BPIFB1: variants seen among roughly 807,000 people sequenced by gnomAD.
BPIFB1 encodes BPI fold-containing family B member 1.
A neutral mutation model predicts 55.1 loss-of-function variants in BPIFB1; 34 were observed. The ratio of observed to expected loss-of-function variants is 0.62; its 90% CI spans 0.47 to 0.82. The LOEUF (loss-of-function observed/expected upper bound fraction) is 0.82, where lower values mean the gene tolerates loss of function less well. BPIFB1 is among the 40% of genes least tolerant of loss of function. The probability of loss-of-function intolerance (pLI) is 0.00; values close to 1 mark genes in which losing one functional copy is unlikely to be tolerated. For missense variants in BPIFB1, 532 were observed against 593.1 expected (o/e 0.90, Z 1.07); for synonymous variants, 236 against 245.3 (o/e 0.96, Z 0.35).
chr20:33,305,947 G>T (rs1242879728), intron 13 of BPIFB1, 55 bp from the exon 14 acceptor site: 1 of 1,587,760 alleles, frequency 6.3e-7, no homozygotes, highest in African/African-American at 1.3e-5. Context: ...AAGAATGATG[G>T]GGGGGAACTT....
At chr20:33,300,593 T>C (rs938099429) in intron 8 of BPIFB1, among the ~76,000 whole-genome samples, 1 of 152,100 alleles carries the variant, frequency 6.6e-6, no homozygotes, top group African/African-American at 2.4e-5. Context: ...GTTTCTTTTG[T>C]TTTGTTTTTT....
chr20:33,289,782 C>T (rs1163949468), intron 3 of BPIFB1, 103 bp from the exon 4 acceptor site: 4 of 1,084,172 alleles, frequency 3.7e-6, no homozygotes, highest in Non-Finnish European at 5.6e-6. Context: ...CAGGGTCCCG[C>T]TGCTGCCTAG....
intron 4 of BPIFB1, 50 bp downstream of exon 4, chr20:33,290,042 C>A: frequency 7.1e-7 from 1 of 1,403,348 alleles, no homozygotes; most frequent in Non-Finnish European, 1.0e-6. Flanking sequence ...CTCATCTGCT[C>A]GTTCCCCCTC....
In BPIFB1 at chr20:33,306,054, C is replaced by A; in HGVS notation, c.1307C>A (p.Pro436Gln). ...GAGATCATCCACTCCATCCTGCTGC[C>A]GAACCAGAATGGTGCATACCTCTGC... ...ITEIIHSILL[P>Q]NQNGKLRSGV... Residue 436 changes from proline (P) to glutamine (Q), a missense_variant, in exon 14 of 16, where the codon CCG becomes CAG. Coordinates refer to ENST00000253354, the MANE Select transcript of BPIFB1 (RefSeq NM_033197.3). 2.5e-6 allele frequency: 4 copies of A among 1,614,120 alleles called. No homozygotes were observed. Among genetic ancestry groups the A allele is most frequent in the Non-Finnish European group, 2.5e-6 (3 of 1,180,006 alleles).
intron 6 of BPIFB1, among the ~76,000 whole-genome samples, chr20:33,292,387 C>T (rs898397092): frequency 2.0e-5 from 3 of 152,046 alleles, no homozygotes; most frequent in South Asian, 2.1e-4. Context: ...CAATAGCACA[C>T]GATTGTATAT....
At chr20:33,290,224 T>G (rs1250724524) in intron 4 of BPIFB1, among the ~76,000 whole-genome samples, 1 of 151,984 alleles carries the variant, frequency 6.6e-6, no homozygotes, top group African/African-American at 2.4e-5. Flanking sequence ...CGAGGCCAGA[T>G]CATACAAGGC....
intron 6 of BPIFB1, among the ~76,000 whole-genome samples, chr20:33,292,465 T>C (rs1024982836): frequency 1.3e-5 from 2 of 152,212 alleles, no homozygotes; most frequent in Non-Finnish European, 2.9e-5. Flanking sequence ...AGCAAACTAA[T>C]TAGGAAGCAA....
At chr20:33,308,183 G>A (rs940792813) in intron 15 of BPIFB1, among the ~76,000 whole-genome samples, 6 of 152,090 alleles carry the variant, frequency 3.9e-5, no homozygotes, top group East Asian at 3.9e-4. Context: ...TCACCATCAC[G>A]AGAACAGCAC....
At chr20:33,305,006 G>C (rs1158340990) in intron 13 of BPIFB1, 115 bp downstream of exon 13, 1 of 1,219,706 alleles carries the variant, frequency 8.2e-7, no homozygotes, top group Non-Finnish European at 1.2e-6. Context: ...AAGCACCATG[G>C]GGGGCTGGCC....
chr20:33,288,660 C>G, intron 2 of BPIFB1, 81 bp from the exon 3 acceptor site: 2 of 1,536,166 alleles, frequency 1.3e-6, no homozygotes, highest in Non-Finnish European at 1.8e-6. Flanking sequence ...TCGAGTGATA[C>G]CCCTCCCCAG....
chr20:33,286,048 C>CT lies in BPIFB1; in HGVS notation c.-24dup. The stretch of plus-strand genomic sequence containing the variant: ...CTCACCCCAGGTCTGGCATCCTGCA[C>CT]TTGCTGCCCTCTGACACCTGGGAAG... On this transcript the variant is annotated 5_prime_UTR_variant, in exon 2 of 16. Transcript: ENST00000253354. 6.2e-7 allele frequency: 1 copy of CT among 1,610,534 alleles called. No individual in the cohort carries two copies. Among genetic ancestry groups the CT allele is most frequent in the Non-Finnish European group, 8.5e-7 (1 of 1,176,882 alleles).
Position 33,286,038 on chromosome 20 carries a change from G to A in BPIFB1, c.-36G>A, listed in dbSNP as rs372545262. On this transcript the variant is annotated 5_prime_UTR_variant, in exon 2 of 16. Coordinates refer to ENST00000253354, the MANE Select transcript of BPIFB1 (RefSeq NM_033197.3). The stretch of plus-strand genomic sequence containing the variant: ...TCCCTCTGTGCTCACCCCAGGTCTG[G>A]CATCCTGCACTTGCTGCCCTCTGAC... The A allele has an allele frequency of 1.7e-5, 28 of 1,601,334 alleles. 1 individual carries two copies. The East Asian group carries it at 2.2e-4, about 13-fold the overall frequency.
At chr20:33,289,488 A>G (rs1980384324) in intron 3 of BPIFB1, among the ~76,000 whole-genome samples, 1 of 152,064 alleles carries the variant, frequency 6.6e-6, no homozygotes. Context: ...AGTGGAGCCG[A>G]TGACTCAATG....
intron 15 of BPIFB1, chr20:33,307,220 C>A (rs1010726760): frequency 2.0e-6 from 1 of 505,030 alleles, no homozygotes; most frequent in Non-Finnish European, 3.5e-6. Context: ...GTCATTCATT[C>A]ATTCATTCAT....
At chr20:33,306,831 C>T in intron 14 of BPIFB1, 80 bp from the exon 15 acceptor site, 2 of 1,247,262 alleles carry the variant, frequency 1.6e-6, no homozygotes, top group Non-Finnish European at 2.4e-6. Context: ...CGGGGCTCCC[C>T]TTCAGGAACC....
At chr20:33,297,688 C>A in intron 7 of BPIFB1, 100 bp downstream of exon 7, 2 of 1,232,866 alleles carry the variant, frequency 1.6e-6, no homozygotes, top group Non-Finnish European at 2.4e-6. Context: ...CAGGCCTGAG[C>A]TGCAACTCAG....
chr20:33,302,225 G>A, intron 9 of BPIFB1, 134 bp from the exon 10 acceptor site: 6 of 846,890 alleles, frequency 7.1e-6, no homozygotes, highest in Non-Finnish European at 1.0e-5. Flanking sequence ...ACCAATGACA[G>A]ACACATGGCT....
rs1393740644 is a variant in BPIFB1, at chr20:33,309,764, G to A, written c.1452G>A (p.Gln484=). Residue 484 remains glutamine (Q), a synonymous_variant, in exon 16 of 16, where the codon CAG becomes CAA. Coordinates refer to ENST00000253354, the MANE Select transcript of BPIFB1 (RefSeq NM_033197.3). This position sits in a 1 kb window ranked among gnomAD's most constrained non-coding sequence, Gnocchi z 4.4. ...SLWKPSSPVS[Q] Reference sequence around the variant, plus strand: ...GGAAACCCAGCTCTCCTGTCTCCCAGTGAAGACTTGGATGGCAGCCATCAG... The same window carrying A: ...GGAAACCCAGCTCTCCTGTCTCCCAATGAAGACTTGGATGGCAGCCATCAG... 1 of 1,614,012 alleles carries A rather than the reference G, an allele frequency of 6.2e-7. No homozygotes were observed. The highest frequency in any genetic ancestry group is 8.5e-7 in the Non-Finnish European group (1 of 1,179,854).
rs537924488 is a variant in BPIFB1, at chr20:33,308,852, C to T, written c.1396-856C>T. The stretch of plus-strand genomic sequence containing the variant: ...CATACACACACACATAATACACACA[C>T]CACACACATACACACTACACACACA... On this transcript the variant is annotated intron_variant, in intron 15 of 15. Coordinates refer to ENST00000253354, the MANE Select transcript of BPIFB1 (RefSeq NM_033197.3). Among the ~76,000 whole-genome samples, 475 of 149,798 alleles carry T rather than the reference C, an allele frequency of 3.2e-3. 2 individuals are homozygous for T. Among genetic ancestry groups the T allele is most frequent in the Admixed American group, 5.0e-3 (76 of 15,052 alleles).
Sources: allele counts gnomAD v4.1 joint callset (sites outside exome capture counted in the v4.1 genomes callset), GRCh38; gene constraint gnomAD v4.1.1; non-coding constraint Gnocchi (gnomAD v3.1); transcripts MANE v1.5; gene names NCBI Gene and HGNC (gene_info 2026-07-23, HGNC 2026-07-21).